The following ARID4B variants were observed in gnomAD, a reference collection of about 807,000 sequenced individuals.
ARID4B encodes the protein AT-rich interactive domain-containing protein 4B.
Under a neutral mutation model 147.5 loss-of-function variants are expected in ARID4B, and 26 were observed. The ratio of observed to expected loss-of-function variants is 0.18; its 90% CI spans 0.13 to 0.24. The LOEUF (loss-of-function observed/expected upper bound fraction) is 0.24. ARID4B is among the 10% of genes least tolerant of loss of function. The pLI is 1.00. For synonymous variants in ARID4B, 512 were observed against 507.9 expected, an observed-to-expected ratio of 1.01 and a Z score of -0.11; for missense variants, 1,179 against 1,511.5, an observed-to-expected ratio of 0.78 and a Z score of 3.65.
At chr1:235,177,683 T>C (rs1663987707) in intron 21 of ARID4B, 117 bp downstream of exon 21, 2 of 583,172 alleles carry the variant, frequency 3.4e-6, no homozygotes, top group South Asian at 3.3e-5. Flanking sequence ...TTTTTTTGAG[T>C]GTACAGACAA....
intron 23 of ARID4B, 55 bp downstream of exon 23, chr1:235,172,563 G>C (rs570947392): frequency 7.7e-7 from 1 of 1,301,362 alleles, no homozygotes; most frequent in East Asian, 2.7e-5. Flanking sequence ...GGCGACAAGA[G>C]TGAAACTCTG....
intron 10 of ARID4B, 125 bp downstream of exon 10, chr1:235,230,988 G>C (rs906019446): frequency 6.2e-6 from 4 of 647,018 alleles, no homozygotes; most frequent in African/African-American, 3.9e-5. Flanking sequence ...AGGTCACAAG[G>C]AACCAAATAT....
intron 2 of ARID4B, among the ~76,000 whole-genome samples, chr1:235,262,313 T>A (rs1178039842): frequency 6.6e-6 from 1 of 152,228 alleles, no homozygotes; most frequent in African/African-American, 2.4e-5. Flanking sequence ...AATGGCCACC[T>A]GCTTCACATT....
intron 16 of ARID4B, among the ~76,000 whole-genome samples, chr1:235,216,622 C>A (rs914903998): frequency 6.6e-6 from 1 of 152,084 alleles, no homozygotes; most frequent in Non-Finnish European, 1.5e-5. Context: ...GGATTACAGG[C>A]ATGAGCCACC....
intron 2 of ARID4B, among the ~76,000 whole-genome samples, chr1:235,280,033 T>C (rs1671567523): frequency 6.6e-6 from 1 of 152,192 alleles, no homozygotes; most frequent in Non-Finnish European, 1.5e-5. Flanking sequence ...TAAACATGAC[T>C]AATACAATAC....
chr1:235,294,503 T>C (rs1403361573), intron 2 of ARID4B, among the ~76,000 whole-genome samples: 4 of 6,010 alleles, frequency 6.7e-4, no homozygotes, highest in African/African-American at 2.8e-3. Context: ...ACCCAGGGGT[T>C]CAAGCAATTC....
At chr1:235,248,901 C>T (rs927487628) in intron 6 of ARID4B, among the ~76,000 whole-genome samples, 2 of 152,166 alleles carry the variant, frequency 1.3e-5, no homozygotes, top group Non-Finnish European at 2.9e-5. Context: ...ATTAAAGGCA[C>T]ATAGAAAACT....
At chr1:235,319,573 TA>T (rs1365060304) in intron 2 of ARID4B, among the ~76,000 whole-genome samples, 1 of 152,034 alleles carries the variant, frequency 6.6e-6, no homozygotes, top group East Asian at 1.9e-4. Context: ...TTTTTTTAAT[TA>T]AAAAAACAAG....
At chr1:235,310,122 T>C (rs1057102467) in intron 2 of ARID4B, among the ~76,000 whole-genome samples, 1 of 151,436 alleles carries the variant, frequency 6.6e-6, no homozygotes, top group Admixed American at 6.6e-5. Context: ...TCCACTATTG[T>C]CCTATGACCC....
intron 16 of ARID4B, among the ~76,000 whole-genome samples, chr1:235,217,262 T>C (rs1023178158): frequency 6.6e-6 from 1 of 152,174 alleles, no homozygotes; most frequent in Non-Finnish European, 1.5e-5. Flanking sequence ...AAAACTATTC[T>C]ACTCTCTAAG....
chr1:235,181,525 C>T, intron 20 of ARID4B, 60 bp downstream of exon 20: 1 of 1,546,778 alleles, frequency 6.5e-7, no homozygotes, highest in Non-Finnish European at 8.7e-7. Context: ...ACTGTGAAAT[C>T]ATTGAAACTT....
At chr1:235,313,288 C>CTAAT (rs1674199139) in intron 2 of ARID4B, among the ~76,000 whole-genome samples, 2 of 152,082 alleles carry the variant, frequency 1.3e-5, no homozygotes, top group Admixed American at 6.6e-5. Context: ...CCTCAAACGC[C>CTAAT]CAAAGTGCTA....
chr1:235,300,959 C>A (rs1441147022), intron 2 of ARID4B, among the ~76,000 whole-genome samples: 1 of 151,924 alleles, frequency 6.6e-6, no homozygotes, highest in African/African-American at 2.4e-5. Flanking sequence ...TCATGATCTG[C>A]CTGCCTCGGC....
At chr1:235,327,047 G>T in intron 1 of ARID4B, 79 bp from the exon 2 acceptor site, 1 of 1,011,158 alleles carries the variant, frequency 9.9e-7, no homozygotes, top group Non-Finnish European at 1.5e-6. Context: ...AAAGAAGCGA[G>T]CGACGTCCGA....
intron 2 of ARID4B, among the ~76,000 whole-genome samples, chr1:235,307,131 T>G (rs1039904728): frequency 6.6e-6 from 1 of 152,128 alleles, no homozygotes; most frequent in African/African-American, 2.4e-5. Flanking sequence ...ATAGACAGAA[T>G]TAAGTCCATA....
At chr1:235,236,833 A>AAAAATATATAT (rs1175189621) in intron 8 of ARID4B, among the ~76,000 whole-genome samples, 1 of 33,522 alleles carries the variant, frequency 3.0e-5, no homozygotes, top group Non-Finnish European at 4.7e-5. Context: ...TTTTATAAAA[A>AAAAATATATAT]ATATATATAT....
chr1:235,269,584 G>A (rs1670834935), intron 2 of ARID4B, among the ~76,000 whole-genome samples: 1 of 151,992 alleles, frequency 6.6e-6, no homozygotes, highest in Non-Finnish European at 1.5e-5. Context: ...AAGTTTGAAC[G>A]TAATGATAAT....
rs1315667427 is a variant in ARID4B at position 235,167,289 on chromosome 1, C to G, written c.*1236G>C. ...CAGAACTACAATTAAAACAGTAAAA[C>G]AGTCTGTACAATAAAGTACTGTGTA... On this transcript the variant is annotated 3_prime_UTR_variant, in exon 24 of 24. Coordinates refer to ENST00000264183, the MANE Select transcript of ARID4B (RefSeq NM_016374.6). The G allele has an allele frequency of 4.6e-6, 1 of 217,874 alleles. No individual in the cohort carries two copies. Among genetic ancestry groups the G allele is most frequent in the Non-Finnish European group, 9.2e-6 (1 of 108,212 alleles). 13.5% of individuals were successfully genotyped at this position (217,874 alleles called of 1,614,324 possible).
intron 6 of ARID4B, among the ~76,000 whole-genome samples, chr1:235,250,026 G>A (rs1669545276): frequency 6.6e-6 from 1 of 151,870 alleles, no homozygotes; most frequent in African/African-American, 2.4e-5. Context: ...AGAATGGCGT[G>A]AACCTGGGAG....
Sources: gnomAD v4.1 joint callset for allele counts (sites outside exome capture counted in the v4.1 genomes callset) on GRCh38, gnomAD v4.1.1 for gene constraint, MANE v1.5 for transcripts, NCBI Gene and HGNC (gene_info 2026-07-23, HGNC 2026-07-21) for gene names.